AKT3: variants seen among roughly 807,000 people sequenced by gnomAD.
AKT3 encodes the protein AKT serine/threonine kinase 3.
Under a neutral mutation model 65.3 loss-of-function variants are expected in AKT3, and 15 were observed. The ratio of observed to expected loss-of-function variants is 0.23; its 90% confidence interval spans 0.15 to 0.35. The LOEUF is 0.35. Among genes scored for constraint, AKT3 ranks in the 10% least tolerant of loss-of-function variants. The pLI is 1.00. For missense variants in AKT3, 243 were observed against 576.5 expected, an observed-to-expected ratio of 0.42 and a Z score of 5.92; for synonymous variants, 206 against 183.8, an observed-to-expected ratio of 1.12 and a Z score of -0.98.
intron 4 of AKT3, among the ~76,000 whole-genome samples, chr1:243,663,249 C>A (rs993575189): frequency 6.6e-6 from 1 of 152,190 alleles, no homozygotes; most frequent in African/African-American, 2.4e-5. Flanking sequence ...AAGTACCTAG[C>A]AGGGGAACCT....
rs950216132 is a variant in AKT3, at chr1:243,843,056, A to G, written c.46+69T>C. The G allele has an allele frequency of 1.0e-4, 156 of 1,514,202 alleles. 1 individual carries two copies. Among genetic ancestry groups the G allele is most frequent in the Non-Finnish European group, 1.4e-4 (150 of 1,099,462 alleles). The allele number at this position is 1,514,202 out of a possible 1,614,324, so 93.8% of individuals were successfully genotyped here. A position where few individuals can be genotyped will look rare whatever the true frequency, so the allele number is the denominator to read the frequency against. On this transcript the variant is annotated intron_variant, in intron 2 of 13. Transcript: ENST00000673466. Reference sequence around the variant, plus strand: ...TTTAACAGTATCAGAAAAAAGATCAACTTCTAAGACACCACTCACTGCTAG... The same window carrying G: ...TTTAACAGTATCAGAAAAAAGATCAGCTTCTAAGACACCACTCACTGCTAG...
intron 2 of AKT3, among the ~76,000 whole-genome samples, chr1:243,790,579 T>C (rs1414283871): frequency 2.0e-5 from 3 of 152,216 alleles, no homozygotes; most frequent in Admixed American, 2.0e-4. Flanking sequence ...TTTCTTATCA[T>C]TCATGGGTTC....
chr1:243,697,743 A>G (rs565736333), intron 2 of AKT3, among the ~76,000 whole-genome samples: 46 of 152,232 alleles, frequency 3.0e-4, no homozygotes, highest in African/African-American at 1.0e-3. Context: ...TGACAAGCTC[A>G]TAACGAGAGA....
chr1:243,700,554 A>G (rs1462956885), intron 2 of AKT3, among the ~76,000 whole-genome samples: 2 of 145,796 alleles, frequency 1.4e-5, no homozygotes, highest in African/African-American at 2.5e-5. Flanking sequence ...ACCAGGCTGG[A>G]GTGTAGTGGT....
chr1:243,546,182 A>C (rs952772412), intron 11 of AKT3, among the ~76,000 whole-genome samples: 4 of 152,078 alleles, frequency 2.6e-5, no homozygotes, highest in African/African-American at 9.7e-5. Flanking sequence ...GCCCTGTAAG[A>C]TGTGCCTCTG....
rs537607617 is a variant in AKT3 at position 243,503,726 on chromosome 1, G to GT, written c.*1522dup. ...GCTGGAGGTGTTCTCTTTTTTTGTT[G>GT]TTTTTTCCCTGATGGCTTAATTCAG... On this transcript the variant is annotated 3_prime_UTR_variant, in exon 14 of 14. Transcript: ENST00000673466. 25 of 231,850 alleles carry GT rather than the reference G, an allele frequency of 1.1e-4. No homozygotes were observed. In the East Asian group the frequency reaches 1.5e-3, roughly 14 times the overall value. The allele number at this position is 231,850 out of a possible 1,614,324, so 14.4% of individuals were successfully genotyped here.
intron 2 of AKT3, among the ~76,000 whole-genome samples, chr1:243,790,027 C>A (rs1049644731): frequency 6.6e-5 from 10 of 152,146 alleles, no homozygotes; most frequent in African/African-American, 2.2e-4. Context: ...ACTGATAGAG[C>A]ACAGGCAGAA....
chr1:243,777,163 G>A (rs906199641), intron 2 of AKT3, among the ~76,000 whole-genome samples: 1 of 152,070 alleles, frequency 6.6e-6, no homozygotes, highest in Non-Finnish European at 1.5e-5. Context: ...GACGGGGGCG[G>A]TGGGGAGTGA....
chr1:243,716,385 C>G (rs1345628709), intron 2 of AKT3, among the ~76,000 whole-genome samples: 3 of 152,096 alleles, frequency 2.0e-5, no homozygotes, highest in Admixed American at 6.6e-5. Flanking sequence ...CTCATAAGAT[C>G]TAGCAGGTAC....
At chr1:243,552,259 A>T (rs1423241418) in intron 11 of AKT3, among the ~76,000 whole-genome samples, 2 of 117,666 alleles carry the variant, frequency 1.7e-5, no homozygotes, top group Non-Finnish European at 3.2e-5. Context: ...ACTGCACTCC[A>T]GCCTGGGTGG....
chr1:243,827,371 T>C (rs901506205), intron 2 of AKT3, among the ~76,000 whole-genome samples: 3 of 152,194 alleles, frequency 2.0e-5, no homozygotes, highest in Non-Finnish European at 4.4e-5. Context: ...ATTTATCACC[T>C]ATTAACCACA....
chr1:243,803,679 CACACACACACACAT>C (rs1256314879), intron 2 of AKT3, among the ~76,000 whole-genome samples: 7 of 148,212 alleles, frequency 4.7e-5, no homozygotes, highest in Middle Eastern at 3.4e-3. Context: ...CACACACACA[CACACACACACACAT>C]AAGACTGAAA....
chr1:243,792,365 T>C (rs1394046448), intron 2 of AKT3, among the ~76,000 whole-genome samples: 1 of 152,146 alleles, frequency 6.6e-6, no homozygotes, highest in Non-Finnish European at 1.5e-5. Flanking sequence ...TAGATAAAAG[T>C]CAGCAAAAGA....
intron 2 of AKT3, among the ~76,000 whole-genome samples, chr1:243,744,477 C>A (rs1341545219): frequency 2.0e-5 from 3 of 152,090 alleles, no homozygotes; most frequent in Non-Finnish European, 4.4e-5. Context: ...CGGTGGCTCA[C>A]GCCTGTAATC....
intron 2 of AKT3, among the ~76,000 whole-genome samples, chr1:243,713,251 T>C (rs1686269388): frequency 6.6e-6 from 1 of 152,204 alleles, no homozygotes; most frequent in Non-Finnish European, 1.5e-5. Context: ...AAACAGGTTA[T>C]CTACCATCAA....
intron 2 of AKT3, among the ~76,000 whole-genome samples, chr1:243,824,774 G>A (rs989487356): frequency 3.3e-5 from 5 of 152,136 alleles, no homozygotes; most frequent in Admixed American, 2.0e-4. Flanking sequence ...GTGAGGCTGT[G>A]GAGAAAGAGG....
intron 10 of AKT3, 109 bp downstream of exon 10, chr1:243,563,611 A>G: frequency 7.4e-7 from 1 of 1,352,908 alleles, no homozygotes; most frequent in Non-Finnish European, 9.8e-7. Flanking sequence ...TTCAGGTTGA[A>G]ATATAGATAA....
At chr1:243,552,105 C>T (rs188013747) in intron 11 of AKT3, among the ~76,000 whole-genome samples, 1 of 151,990 alleles carries the variant, frequency 6.6e-6, no homozygotes, top group East Asian at 1.9e-4. Flanking sequence ...GCCTGGCCAA[C>T]TTGGCAAAAC....
At chr1:243,778,501 G>C (rs1465695026) in intron 2 of AKT3, among the ~76,000 whole-genome samples, 1 of 152,162 alleles carries the variant, frequency 6.6e-6, no homozygotes, top group East Asian at 1.9e-4. Context: ...AGTGTCACTA[G>C]AATGTAAAGG....
Sources: allele counts gnomAD v4.1 joint callset (sites outside exome capture counted in the v4.1 genomes callset), GRCh38; gene constraint gnomAD v4.1.1; transcripts MANE v1.5; gene names NCBI Gene and HGNC (gene_info 2026-07-23, HGNC 2026-07-21).